The following CACNA1C variants were observed in gnomAD, a reference collection of about 807,000 sequenced individuals.
CACNA1C encodes calcium voltage-gated channel subunit alpha1 C, also known as voltage-dependent L-type calcium channel subunit alpha-1C.
CACNA1C carries 30 observed loss-of-function variants against 229.0 expected under a neutral mutation model. That is an observed-to-expected ratio of 0.13 (90% CI 0.10 to 0.18). The LOEUF (loss-of-function observed/expected upper bound fraction) is 0.18. Ranked by LOEUF, CACNA1C falls within the 10% of genes least tolerant of loss-of-function variation. The pLI is 1.00. For missense variants in CACNA1C, 1,658 were observed against 2,845.0 expected, an observed-to-expected ratio of 0.58 and a Z score of 9.49; for synonymous variants, 1,114 against 1,132.5, an observed-to-expected ratio of 0.98 and a Z score of 0.33.
chr12:2,062,384 C>G (rs2057812070), intron 1 of CACNA1C, among the ~76,000 whole-genome samples: 2 of 152,134 alleles, frequency 1.3e-5, no homozygotes, highest in Admixed American at 6.5e-5. Context: ...CCACAGCCAC[C>G]CAGACAGTGT....
At chr12:2,027,788 A>C (rs1158815207) in intron 1 of CACNA1C, among the ~76,000 whole-genome samples, 1 of 152,244 alleles carries the variant, frequency 6.6e-6, no homozygotes, top group Non-Finnish European at 1.5e-5. Flanking sequence ...ATCAGTATGA[A>C]GTTTTATGAA....
intron 3 of CACNA1C, among the ~76,000 whole-genome samples, chr12:2,190,146 G>A (rs763214868): frequency 3.9e-5 from 6 of 152,216 alleles, no homozygotes; most frequent in South Asian, 2.1e-4. Flanking sequence ...TGCATGATGC[G>A]TTACCAGGAA....
intron 7 of CACNA1C, among the ~76,000 whole-genome samples, chr12:2,501,044 TAAAA>T (rs3058714): frequency 7.2e-6 from 1 of 139,798 alleles, no homozygotes; most frequent in Non-Finnish European, 1.6e-5. Context: ...GTCTCTACTT[TAAAA>T]AAAAAAAAAA....
intron 9 of CACNA1C, among the ~76,000 whole-genome samples, chr12:2,522,473 T>C (rs556520966): frequency 1.8e-4 from 28 of 151,576 alleles, no homozygotes; most frequent in Admixed American, 3.3e-4. Flanking sequence ...CCCCAGAGAG[T>C]GTATTGTGGT....
At chr12:2,120,144 G>T (rs1350786103) in intron 2 of CACNA1C, among the ~76,000 whole-genome samples, 181 bp from the exon 3 acceptor site, 2 of 152,210 alleles carry the variant, frequency 1.3e-5, no homozygotes, top group Admixed American at 1.3e-4. Context: ...GGAAAATTTT[G>T]GCGGGGACCC....
At chr12:2,616,437 GTT>G (rs978097814) in intron 29 of CACNA1C, among the ~76,000 whole-genome samples, 1 of 152,230 alleles carries the variant, frequency 6.6e-6, no homozygotes, top group African/African-American at 2.4e-5. Flanking sequence ...GGCCGAGTGA[GTT>G]TCTCCCACTG....
intron 3 of CACNA1C, among the ~76,000 whole-genome samples, chr12:2,311,249 G>C (rs929502060): frequency 6.6e-6 from 1 of 152,184 alleles, no homozygotes; most frequent in Non-Finnish European, 1.5e-5. Flanking sequence ...GGAAGCAGCG[G>C]CTAGTGGAAT....
At position 2,316,026 on chromosome 12, in the gene CACNA1C, G is replaced by A. The variant is rs73605739; in HGVS notation, c.478-132950G>A. Among the ~76,000 whole-genome samples the A allele has an allele frequency of 3.1e-3, 478 of 152,348 alleles. 3 individuals carry two copies. Among genetic ancestry groups the A allele is most frequent in the African/African-American group, 0.011 (454 of 41,576 alleles). On this transcript the variant is annotated intron_variant, in intron 3 of 46. Coordinates refer to ENST00000399655, the MANE Select transcript of CACNA1C (RefSeq NM_000719.7). ...TCTTTGGCCCCAACTCTAAGGGTAA[G>A]AATAACCATAAGTTATTGCCAGAGG...
At chr12:2,382,172 G>T (rs894060344) in intron 3 of CACNA1C, among the ~76,000 whole-genome samples, 1 of 152,218 alleles carries the variant, frequency 6.6e-6, no homozygotes, top group Admixed American at 6.5e-5. Context: ...CGCAAGTATA[G>T]ACAACACACC....
intron 3 of CACNA1C, among the ~76,000 whole-genome samples, chr12:2,261,177 A>G (rs2080021287): frequency 6.6e-6 from 1 of 152,090 alleles, no homozygotes; most frequent in African/African-American, 2.4e-5. Context: ...GCTTGCAGTG[A>G]GCCGAGATAG....
chr12:2,047,748 G>A (rs558617901), intron 1 of CACNA1C, among the ~76,000 whole-genome samples: 1 of 152,214 alleles, frequency 6.6e-6, no homozygotes, highest in Non-Finnish European at 1.5e-5. Flanking sequence ...TGTGGAGGAA[G>A]GGATTGATTG....
At position 2,504,608 on chromosome 12, in the gene CACNA1C, T is replaced by G; in HGVS notation, c.1114-234T>G. On this transcript the variant is annotated intron_variant, in intron 7 of 46. Transcript: ENST00000399655. The surrounding 1 kb of genome is among the most constrained non-coding windows in gnomAD (Gnocchi z 6.8). The stretch of plus-strand genomic sequence containing the variant: ...AAGGTCTCAGGTTCCACTCCGTACA[T>G]GCCCGGGGTCCTCAGGGATGGGACC... 1.1e-6 allele frequency: 1 copy of G among 951,192 alleles called. No individual in the cohort carries two copies. Among genetic ancestry groups the G allele is most frequent in the South Asian group, 1.3e-5 (1 of 77,400 alleles). The allele number at this position is 951,192 out of a possible 1,614,324, so 58.9% of individuals were successfully genotyped here.
chr12:2,539,890 G>A (rs2099865115), intron 9 of CACNA1C, among the ~76,000 whole-genome samples: 1 of 152,040 alleles, frequency 6.6e-6, no homozygotes, highest in Non-Finnish European at 1.5e-5. Flanking sequence ...ATGCAGGCAG[G>A]GTTTAAGGAA....
chr12:2,311,546 C>T (rs772833307), intron 3 of CACNA1C, among the ~76,000 whole-genome samples: 6 of 152,186 alleles, frequency 3.9e-5, no homozygotes, highest in Non-Finnish European at 5.9e-5. Context: ...GCTGCTTAAG[C>T]CATCCTCTCT....
chr12:2,346,792 A>G lies in CACNA1C; in HGVS notation c.478-102184A>G, dbSNP rs1047046836. On this transcript the variant is annotated intron_variant, in intron 3 of 46. Coordinates refer to ENST00000399655, the MANE Select transcript of CACNA1C (RefSeq NM_000719.7). This position sits in a 1 kb window ranked among gnomAD's most constrained non-coding sequence, Gnocchi z 4.4. ...TTTGCATCCAGCTCATGATAAGCAT[A>G]TAGCAGCATATACACAAATACATAC... 6.6e-6 allele frequency among the ~76,000 whole-genome samples: 1 copy of G among 152,232 alleles called. No homozygotes were observed. Among genetic ancestry groups the G allele is most frequent in the Non-Finnish European group, 1.5e-5 (1 of 68,046 alleles).
In CACNA1C at chr12:2,575,879, C is replaced by T. The variant is rs2058200294; in HGVS notation, c.1896-5711C>T. ...CAAAAGGTTCATGAGATGAAAGTTC[C>T]AGTTCAAGGAAGGCTCGGGTCACTT... On this transcript the variant is annotated intron_variant, in intron 13 of 46. Coordinates refer to ENST00000399655, the MANE Select transcript of CACNA1C (RefSeq NM_000719.7). This position sits in a 1 kb window ranked among gnomAD's most constrained non-coding sequence, Gnocchi z 4.0. 6.6e-6 allele frequency among the ~76,000 whole-genome samples: 1 copy of T among 152,160 alleles called. No individual in the cohort carries two copies. Among genetic ancestry groups the T allele is most frequent in the Non-Finnish European group, 1.5e-5 (1 of 68,032 alleles).
chr12:2,542,498 G>A lies in CACNA1C; in HGVS notation c.1391-7445G>A, dbSNP rs549058121. On this transcript the variant is annotated intron_variant, in intron 9 of 46. Transcript: ENST00000399655. ...TAAGAAGCCTGGCCCGCTGATCAGT[G>A]CAGCCATACTTTCAAAGCACCACCT... is the stretch of plus-strand genomic sequence containing the variant. Among the ~76,000 whole-genome samples the A allele has an allele frequency of 2.6e-4, 40 of 152,288 alleles. No homozygotes were observed. The South Asian group carries it at 8.3e-3, about 32-fold the overall frequency.
chr12:2,157,597 C>G (rs930493495), intron 3 of CACNA1C, among the ~76,000 whole-genome samples: 2 of 152,222 alleles, frequency 1.3e-5, no homozygotes, highest in Non-Finnish European at 2.9e-5. Context: ...TAAGGGGGCC[C>G]TAAGATCTAG....
chr12:2,168,229 A>G (rs1169948681), intron 3 of CACNA1C, among the ~76,000 whole-genome samples: 1 of 152,244 alleles, frequency 6.6e-6, no homozygotes, highest in Non-Finnish European at 1.5e-5. Context: ...TCTTAAGAGT[A>G]AAATGATCAC....
Sources: allele counts gnomAD v4.1 joint callset (sites outside exome capture counted in the v4.1 genomes callset), GRCh38; gene constraint gnomAD v4.1.1; non-coding constraint Gnocchi (gnomAD v3.1); transcripts MANE v1.5; gene names NCBI Gene and HGNC (gene_info 2026-07-23, HGNC 2026-07-21).